JAK2: variants seen among roughly 807,000 people sequenced by gnomAD.
The protein encoded by JAK2 is tyrosine-protein kinase JAK2.
In JAK2, 86 loss-of-function variants were observed where a neutral mutation model predicts 139.3. The ratio of observed to expected loss-of-function variants is 0.62; its 90% CI spans 0.52 to 0.74. The LOEUF is 0.74. JAK2 is among the 30% of genes least tolerant of loss of function. JAK2 has a pLI of 0.00. For synonymous variants in JAK2, 490 were observed against 437.7 expected (o/e 1.12, Z -1.49); for missense variants, 1,421 against 1,360.3 (o/e 1.04, Z -0.70).
At chr9:5,081,578 CATTA>C in intron 18 of JAK2, 143 bp from the exon 19 acceptor site, 1 of 590,902 alleles carries the variant, frequency 1.7e-6, no homozygotes, top group Non-Finnish European at 3.0e-6. Context: ...TAAAGGCTCC[CATTA>C]ATATAATTGA....
At chr9:4,994,823 C>T (rs73389476) in intron 2 of JAK2, among the ~76,000 whole-genome samples, 22,141 of 152,168 alleles carry the variant, frequency 0.15, 4,032 homozygotes, top group African/African-American at 0.43. Flanking sequence ...ACAAAACTCT[C>T]TGAGAGTTGT....
At chr9:4,984,699 G>T (rs1331387264), upstream of JAK2, 1 of 152,546 alleles carries the variant, frequency 6.6e-6, no homozygotes. Context: ...TGTGCGGGAG[G>T]GGAGTCTCCG....
At chr9:4,987,805 A>G (rs939358542) in intron 2 of JAK2, among the ~76,000 whole-genome samples, 6 of 152,112 alleles carry the variant, frequency 3.9e-5, no homozygotes, top group African/African-American at 1.4e-4. Context: ...ACTTTCTTAT[A>G]AGATTGTTGT....
At chr9:5,113,221 CAGT>C (rs1822800480) in intron 22 of JAK2, among the ~76,000 whole-genome samples, 1 of 87,446 alleles carries the variant, frequency 1.1e-5, no homozygotes, top group African/African-American at 5.1e-5. Flanking sequence ...TTTTTTTTTC[CAGT>C]AAACAAAACC....
chr9:5,114,296 G>T, intron 22 of JAK2: 1 of 543,342 alleles, frequency 1.8e-6, no homozygotes, highest in South Asian at 1.6e-5. Flanking sequence ...ACGTGAAGCT[G>T]ACTTGGTCCC....
At chr9:5,041,312 C>A in intron 4 of JAK2, 1 of 789,652 alleles carries the variant, frequency 1.3e-6, no homozygotes, top group Non-Finnish European at 2.1e-6. Context: ...GAAGCACATC[C>A]CGTGCAGCCA....
At chr9:5,042,103 A>G (rs2130296570) in intron 4 of JAK2, among the ~76,000 whole-genome samples, 1 of 143,684 alleles carries the variant, frequency 7.0e-6, no homozygotes, top group South Asian at 2.3e-4. Context: ...CACTTCCTTC[A>G]CGTAAGACTG....
chr9:5,112,557 C>T, intron 22 of JAK2: 2 of 623,506 alleles, frequency 3.2e-6, no homozygotes, highest in South Asian at 4.5e-5. Flanking sequence ...TGGCCAATAA[C>T]GCCAGGGAGC....
chr9:5,018,987 C>T (rs544466001), intron 2 of JAK2, among the ~76,000 whole-genome samples: 5 of 152,270 alleles, frequency 3.3e-5, no homozygotes, highest in African/African-American at 1.2e-4. Context: ...ACAGTTCTCT[C>T]TTTGTCTTTG....
Position 5,049,973 on chromosome 9 carries a change from T to C in JAK2, c.469-713T>C, listed in dbSNP as rs779690241. Among the ~76,000 whole-genome samples the C allele has an allele frequency of 2.6e-5, 4 of 152,170 alleles. No individual in the cohort carries two copies. In the South Asian group the frequency reaches 6.2e-4, roughly 24 times the overall value. The stretch of plus-strand genomic sequence containing the variant: ...GCAGTATTACAATCTTATGGAACCA[T>C]CGTTATATATGTGGTCTGCCATTGA... On this transcript the variant is annotated intron_variant, in intron 5 of 24. Coordinates refer to ENST00000381652, the MANE Select transcript of JAK2 (RefSeq NM_004972.4).
At chr9:5,046,110 A>G (rs1733555502) in intron 5 of JAK2, among the ~76,000 whole-genome samples, 1 of 152,114 alleles carries the variant, frequency 6.6e-6, no homozygotes, top group Non-Finnish European at 1.5e-5. Flanking sequence ...ATTTTGATGC[A>G]TACTTCTCTA....
At chr9:5,074,567 A>G (rs1000369683) in intron 14 of JAK2, among the ~76,000 whole-genome samples, 18 of 152,362 alleles carry the variant, frequency 1.2e-4, no homozygotes, top group African/African-American at 4.3e-4. Flanking sequence ...GGCAAACTTC[A>G]TAGATGAATG....
intron 22 of JAK2, among the ~76,000 whole-genome samples, chr9:5,091,984 G>A (rs898393527): frequency 1.1e-4 from 17 of 152,228 alleles, no homozygotes; most frequent in South Asian, 4.1e-4. Flanking sequence ...GGAATCCGGC[G>A]AAGATACTGC....
chr9:5,093,615 G>A (rs955747966), intron 22 of JAK2, among the ~76,000 whole-genome samples: 1 of 152,058 alleles, frequency 6.6e-6, no homozygotes, highest in Admixed American at 6.6e-5. Flanking sequence ...AAAAATTTTG[G>A]TTGGGGTGAC....
intron 2 of JAK2, among the ~76,000 whole-genome samples, chr9:4,999,889 C>T (rs1272146818): frequency 6.6e-6 from 1 of 152,112 alleles, no homozygotes; most frequent in Admixed American, 6.5e-5. Context: ...TACTCCTGTC[C>T]TTTTTCAAAG....
At chr9:5,032,109 C>A (rs1374254659) in intron 4 of JAK2, among the ~76,000 whole-genome samples, 1 of 152,240 alleles carries the variant, frequency 6.6e-6, no homozygotes, top group Non-Finnish European at 1.5e-5. Flanking sequence ...ATATCCCGCG[C>A]CTGGCTCAGA....
intron 4 of JAK2, among the ~76,000 whole-genome samples, chr9:5,030,501 A>T (rs1303013189): frequency 6.6e-6 from 1 of 152,164 alleles, no homozygotes; most frequent in Non-Finnish European, 1.5e-5. Flanking sequence ...TATATAATTC[A>T]TCATAACTTC....
In JAK2 at chr9:5,090,524, G is replaced by T. The variant is rs777544455; in HGVS notation, c.2840G>T (p.Arg947Leu). The T allele has an allele frequency of 6.3e-7, 1 of 1,593,774 alleles. No individual in the cohort carries two copies. Among genetic ancestry groups the T allele is most frequent in the Non-Finnish European group, 8.5e-7 (1 of 1,169,858 alleles). ...GACTATCTTCAAAAACATAAAGAACGGATAGATCACATAAAACTTCTGCAG... is the reference window on the plus strand; with the variant it reads ...GACTATCTTCAAAAACATAAAGAACTGATAGATCACATAAAACTTCTGCAG... ...LRDYLQKHKE[R>L]IDHIKLLQYT... Residue 947 changes from arginine (R) to leucine (L), a missense_variant, in exon 21 of 25, where the codon CGG becomes CTG. Coordinates refer to ENST00000381652, the MANE Select transcript of JAK2 (RefSeq NM_004972.4).
At chr9:5,024,469 G>A (rs1217929925) in intron 3 of JAK2, among the ~76,000 whole-genome samples, 1 of 152,014 alleles carries the variant, frequency 6.6e-6, no homozygotes. Context: ...CTCTGCCTTA[G>A]CCTTCCCTTC....
Sources: gnomAD v4.1 joint callset for allele counts (sites outside exome capture counted in the v4.1 genomes callset) on GRCh38, gnomAD v4.1.1 for gene constraint, MANE v1.5 for transcripts, NCBI Gene and HGNC (gene_info 2026-07-23, HGNC 2026-07-21) for gene names.